The following SEMA5A variants were observed in gnomAD, a reference collection of about 807,000 sequenced individuals.
SEMA5A encodes the protein semaphorin-5A.
A neutral mutation model predicts 135.5 loss-of-function variants in SEMA5A; 55 were observed. The ratio of observed to expected loss-of-function variants is 0.41; its 90% CI spans 0.33 to 0.51. The LOEUF (loss-of-function observed/expected upper bound fraction) is 0.51. Ranked by LOEUF, SEMA5A falls within the 20% of genes least tolerant of loss-of-function variation. The probability of loss-of-function intolerance (pLI) is 0.37; values close to 1 mark genes in which losing one functional copy is unlikely to be tolerated. For synonymous variants in SEMA5A, 580 were observed against 546.5 expected, an observed-to-expected ratio of 1.06 and a Z score of -0.85; for missense variants, 1,290 against 1,419.9, an observed-to-expected ratio of 0.91 and a Z score of 1.47.
At chr5:9,052,998 G>A (rs1736676192) in intron 19 of SEMA5A, among the ~76,000 whole-genome samples, 2 of 152,210 alleles carry the variant, frequency 1.3e-5, no homozygotes, top group Non-Finnish European at 1.5e-5. Flanking sequence ...AATGCAGAAA[G>A]TGCCAGTTTT....
chr5:9,063,247 A>G, intron 17 of SEMA5A, 142 bp from the exon 18 acceptor site: 1 of 780,794 alleles, frequency 1.3e-6, no homozygotes, highest in Non-Finnish European at 2.1e-6. Flanking sequence ...TTTACACTTC[A>G]GTAGCCAAAA....
intron 1 of SEMA5A, among the ~76,000 whole-genome samples, chr5:9,484,445 C>T (rs1009348431): frequency 2.0e-5 from 3 of 152,184 alleles, no homozygotes; most frequent in African/African-American, 7.2e-5. Context: ...TCACAGTCAA[C>T]ATCAACCCCT....
chr5:9,076,990 C>T (rs143475412), intron 16 of SEMA5A, among the ~76,000 whole-genome samples: 3 of 152,002 alleles, frequency 2.0e-5, no homozygotes, highest in Non-Finnish European at 2.9e-5. Context: ...CTTTTTCATG[C>T]TGGCACAGGC....
At position 9,228,416 on chromosome 5, in the gene SEMA5A, C is replaced by T. The variant is rs16882263; in HGVS notation, c.334-1449G>A. Among the ~76,000 whole-genome samples, 728 of 152,272 alleles carry T rather than the reference C, an allele frequency of 4.8e-3. 2 individuals carry two copies. Among genetic ancestry groups the T allele is most frequent in the African/African-American group, 0.016 (675 of 41,554 alleles). On this transcript the variant is annotated intron_variant, in intron 6 of 22. Coordinates refer to ENST00000382496, the MANE Select transcript of SEMA5A (RefSeq NM_003966.3). ...AGTGTCGTGGCTAGAGAAAGCATGG[C>T]GCTCTCATTGTGTACAGAGGAGCTC...
In SEMA5A at chr5:9,353,115, A is replaced by AG. The variant is rs1238815584; in HGVS notation, c.125-15304dup. 1.2e-3 allele frequency among the ~76,000 whole-genome samples: 69 copies of AG among 57,982 alleles called. 3 individuals are homozygous for AG. Among genetic ancestry groups the AG allele is most frequent in the African/African-American group, 5.1e-3 (65 of 12,694 alleles). The allele number at this position is 57,982 out of a possible 152,430, so 38.0% of individuals were successfully genotyped here. Reference sequence around the variant, plus strand: ...AAAGGAAGGAAGGAAAGGAAAGGAAAGGAAAGGAAAGGAAAGGAAAGGAAA... The same window carrying AG: ...AAAGGAAGGAAGGAAAGGAAAGGAAAGGGAAAGGAAAGGAAAGGAAAGGAAA... On this transcript the variant is annotated intron_variant, in intron 3 of 22. Transcript: ENST00000382496.
At chr5:9,532,459 T>G (rs1405894127) in intron 1 of SEMA5A, among the ~76,000 whole-genome samples, 1 of 113,074 alleles carries the variant, frequency 8.8e-6, no homozygotes, top group African/African-American at 3.5e-5. Context: ...TTTTTTTTTT[T>G]GTATTTTTAG....
At chr5:9,499,725 C>T (rs1735484432) in intron 1 of SEMA5A, among the ~76,000 whole-genome samples, 1 of 152,140 alleles carries the variant, frequency 6.6e-6, no homozygotes, top group African/African-American at 2.4e-5. Flanking sequence ...AGATAAATAA[C>T]AAAACCACAA....
At chr5:9,502,840 A>G (rs908394656) in intron 1 of SEMA5A, among the ~76,000 whole-genome samples, 2 of 152,200 alleles carry the variant, frequency 1.3e-5, no homozygotes, top group African/African-American at 4.8e-5. Context: ...AGAGTGACGG[A>G]GAAGGAAGAA....
intron 5 of SEMA5A, among the ~76,000 whole-genome samples, chr5:9,313,767 G>T (rs1752248756): frequency 6.6e-6 from 1 of 152,174 alleles, no homozygotes; most frequent in Non-Finnish European, 1.5e-5. Flanking sequence ...AGGATGGGCA[G>T]TCTTTTTCTT....
intron 4 of SEMA5A, among the ~76,000 whole-genome samples, chr5:9,319,560 C>A (rs540965460): frequency 5.3e-5 from 8 of 152,142 alleles, no homozygotes; most frequent in African/African-American, 1.9e-4. Context: ...TAACTGAAAT[C>A]CTGGCATCAT....
At position 9,051,867 on chromosome 5, in the gene SEMA5A, TC is replaced by T; in HGVS notation, c.2845+5del. 2 of 1,614,170 alleles carry T rather than the reference TC, an allele frequency of 1.2e-6. No individual in the cohort carries two copies. The highest frequency in any genetic ancestry group is 1.7e-6 in the Non-Finnish European group (2 of 1,180,016). Reference sequence around the variant, plus strand: ...TATTCTTACTGATAAATACCTCTGCTCTTACCTGGGATGAAATTAGAGTCAA... The same window carrying T: ...TATTCTTACTGATAAATACCTCTGCTTTACCTGGGATGAAATTAGAGTCAA... On this transcript the variant is annotated splice_donor_5th_base_variant and intron_variant, in intron 20 of 22. Coordinates refer to ENST00000382496, the MANE Select transcript of SEMA5A (RefSeq NM_003966.3).
Position 9,384,647 on chromosome 5 carries a change from G to GATAGATAGATAC in SEMA5A, c.-77-4625_-77-4624insGTATCTATCTAT, listed in dbSNP as rs1561208127. ...AGATAGATAGATAGATAGATAGATA[G>GATAGATAGATAC]ATAGATAGATAGATATAGATAGATA... is the stretch of plus-strand genomic sequence containing the variant. On this transcript the variant is annotated intron_variant, in intron 2 of 22. Coordinates refer to ENST00000382496, the MANE Select transcript of SEMA5A (RefSeq NM_003966.3). Among the ~76,000 whole-genome samples the GATAGATAGATAC allele has an allele frequency of 6.0e-4, 42 of 69,442 alleles. 4 individuals carry two copies. The highest frequency in any genetic ancestry group is 2.2e-3 in the South Asian group (5 of 2,306). 45.6% of individuals were successfully genotyped at this position (69,442 alleles called of 152,430 possible).
intron 3 of SEMA5A, among the ~76,000 whole-genome samples, chr5:9,353,145 A>AGGAAAGGAG (rs1754237685): frequency 1.1e-5 from 1 of 87,470 alleles, no homozygotes; most frequent in Non-Finnish European, 2.3e-5. Flanking sequence ...AGGAAAGGAA[A>AGGAAAGGAG]GGAAAGGAAA....
rs906981930 is a variant in SEMA5A at position 9,042,238 on chromosome 5, C to T, written c.*659G>A. ...TGAGCCTCTGCTCCGCTGCCTCCAC[C>T]AGCACCAGCAATGGCACAGAAACTG... On this transcript the variant is annotated 3_prime_UTR_variant, in exon 23 of 23. Transcript: ENST00000382496. The T allele has an allele frequency of 1.3e-5, 2 of 152,910 alleles. No individual in the cohort carries two copies. The highest frequency in any genetic ancestry group is 4.8e-5 in the African/African-American group (2 of 41,488). 9.5% of individuals were successfully genotyped at this position (152,910 alleles called of 1,614,324 possible).
chr5:9,509,979 A>C (rs1736114894), intron 1 of SEMA5A, among the ~76,000 whole-genome samples: 1 of 152,178 alleles, frequency 6.6e-6, no homozygotes, highest in African/African-American at 2.4e-5. Flanking sequence ...AAAGGAACTA[A>C]ACGCAGAGGA....
chr5:9,490,411 C>T (rs1202161151), intron 1 of SEMA5A, among the ~76,000 whole-genome samples: 1 of 151,820 alleles, frequency 6.6e-6, no homozygotes, highest in East Asian at 1.9e-4. Context: ...AGATCATTTT[C>T]TTCTTTCATA....
At chr5:9,275,710 TA>T (rs1286867143) in intron 5 of SEMA5A, among the ~76,000 whole-genome samples, 3 of 152,102 alleles carry the variant, frequency 2.0e-5, no homozygotes, top group African/African-American at 7.2e-5. Context: ...ATCCATCACA[TA>T]AACAAAACCA....
At chr5:9,165,594 A>C (rs3797925) in intron 11 of SEMA5A, among the ~76,000 whole-genome samples, 20,334 of 152,170 alleles carry the variant, frequency 0.13, 2,470 homozygotes, top group African/African-American at 0.31. Context: ...AAATTAGTTT[A>C]TTTCCAGTTG....
At chr5:9,106,307 T>C (rs772844767) in intron 16 of SEMA5A, among the ~76,000 whole-genome samples, 9 of 152,208 alleles carry the variant, frequency 5.9e-5, no homozygotes, top group Non-Finnish European at 1.0e-4. Flanking sequence ...AAGCAATAAA[T>C]ACATTGATAT....
Sources: allele counts gnomAD v4.1 joint callset (sites outside exome capture counted in the v4.1 genomes callset), GRCh38; gene constraint gnomAD v4.1.1; transcripts MANE v1.5; gene names NCBI Gene and HGNC (gene_info 2026-07-23, HGNC 2026-07-21).